The following SKAP2 variants were observed in gnomAD, a reference collection of about 807,000 sequenced individuals.
The protein encoded by SKAP2 is src kinase-associated phosphoprotein 2.
Under a neutral mutation model 54.9 loss-of-function variants are expected in SKAP2, and 28 were observed. That is an observed-to-expected ratio of 0.51 (90% CI 0.38 to 0.70). The LOEUF (loss-of-function observed/expected upper bound fraction) is 0.70. Ranked by LOEUF, SKAP2 falls within the 30% of genes least tolerant of loss-of-function variation. SKAP2 has a pLI of 0.00. For missense variants in SKAP2, 356 were observed against 424.1 expected (o/e 0.84, Z 1.41); for synonymous variants, 137 against 134.3 (o/e 1.02, Z -0.14).
At chr7:26,733,057 G>C (rs976995612) in intron 6 of SKAP2, among the ~76,000 whole-genome samples, 2 of 151,966 alleles carry the variant, frequency 1.3e-5, no homozygotes, top group African/African-American at 4.8e-5. Context: ...CTTGAACCCG[G>C]GAGGCGGAGG....
chr7:26,678,597 C>T (rs900400954), intron 11 of SKAP2, among the ~76,000 whole-genome samples: 5 of 151,992 alleles, frequency 3.3e-5, no homozygotes, highest in South Asian at 2.1e-4. Flanking sequence ...CGCACCACCA[C>T]GCCCAGGTAA....
At chr7:26,795,137 C>T (rs1288399014) in intron 4 of SKAP2, among the ~76,000 whole-genome samples, 1 of 152,224 alleles carries the variant, frequency 6.6e-6, no homozygotes. Context: ...CAGAAATTCA[C>T]TGTTACTCTT....
At chr7:26,859,003 C>T (rs189068207) in intron 1 of SKAP2, among the ~76,000 whole-genome samples, 197 of 152,294 alleles carry the variant, frequency 1.3e-3, no homozygotes, top group Admixed American at 2.5e-3. Context: ...CATATACACA[C>T]ACTCAGCCTC....
At chr7:26,848,058 A>G (rs193167649) in intron 3 of SKAP2, 2 of 152,346 alleles carry the variant, frequency 1.3e-5, no homozygotes, top group African/African-American at 4.8e-5. Context: ...ATACTACAGC[A>G]GCATATTTTT....
chr7:26,745,832 A>G (rs913936472), intron 4 of SKAP2, among the ~76,000 whole-genome samples: 1 of 152,098 alleles, frequency 6.6e-6, no homozygotes, highest in Non-Finnish European at 1.5e-5. Flanking sequence ...CCATTTTTTA[A>G]AAAAAGTATT....
chr7:26,810,831 G>A lies in SKAP2; in HGVS notation c.307+33199C>T, dbSNP rs192099928. ...CGCGTAGCTGGGACTACAGGCACAC[G>A]CCACCATGCCTGGCTAATTTTTGTA... is the stretch of plus-strand genomic sequence containing the variant. On this transcript the variant is annotated intron_variant, in intron 4 of 12. Transcript: ENST00000345317. Among the ~76,000 whole-genome samples the A allele has an allele frequency of 1.7e-3, 256 of 152,064 alleles. 1 individual carries two copies. Among genetic ancestry groups the A allele is most frequent in the African/African-American group, 5.9e-3 (244 of 41,478 alleles).
Position 26,777,289 on chromosome 7 carries a change from T to C in SKAP2, c.308-37325A>G, listed in dbSNP as rs138783666. Among the ~76,000 whole-genome samples the C allele has an allele frequency of 2.2e-3, 336 of 152,250 alleles. 1 individual carries two copies. The highest frequency in any genetic ancestry group is 7.4e-3 in the African/African-American group (308 of 41,542). Reference sequence around the variant, plus strand: ...AGTTGATATAAGCTTTCTAGATGCTTGAATAAAACACAAAATAAAGTCTAA... The same window carrying C: ...AGTTGATATAAGCTTTCTAGATGCTCGAATAAAACACAAAATAAAGTCTAA... On this transcript the variant is annotated intron_variant, in intron 4 of 12. Coordinates refer to ENST00000345317, the MANE Select transcript of SKAP2 (RefSeq NM_003930.5).
chr7:26,685,770 C>T (rs212851), intron 10 of SKAP2, among the ~76,000 whole-genome samples: 70,326 of 152,040 alleles, frequency 0.46, 17,114 homozygotes, highest in East Asian at 0.59. Context: ...ACACACTAGA[C>T]GCTTTTGTTA....
chr7:26,809,108 CA>C (rs1295251366), intron 4 of SKAP2, among the ~76,000 whole-genome samples: 5 of 152,050 alleles, frequency 3.3e-5, no homozygotes, highest in African/African-American at 1.2e-4. Flanking sequence ...AGTAGGAAAA[CA>C]AAACTCAATA....
chr7:26,835,021 G>A (rs1209224996), intron 4 of SKAP2, among the ~76,000 whole-genome samples: 1 of 152,198 alleles, frequency 6.6e-6, no homozygotes, highest in Non-Finnish European at 1.5e-5. Context: ...TTCGTCCCTA[G>A]GATGCAAGGC....
chr7:26,847,179 T>C (rs1166002837), intron 3 of SKAP2, among the ~76,000 whole-genome samples: 2 of 152,176 alleles, frequency 1.3e-5, no homozygotes, highest in Admixed American at 1.3e-4. Flanking sequence ...CCTTATTTTT[T>C]TCTCCCCATA....
chr7:26,734,457 T>A (rs910115512), intron 6 of SKAP2, among the ~76,000 whole-genome samples: 1 of 152,152 alleles, frequency 6.6e-6, no homozygotes, highest in African/African-American at 2.4e-5. Flanking sequence ...TTTGATCCCA[T>A]CCACAGTCTT....
chr7:26,749,584 T>TA (rs569592954), intron 4 of SKAP2, among the ~76,000 whole-genome samples: 79 of 151,760 alleles, frequency 5.2e-4, no homozygotes, highest in African/African-American at 1.8e-3. Context: ...CCCATCTCTA[T>TA]AAAAAATGTA....
chr7:26,768,281 CTT>C lies in SKAP2; in HGVS notation c.308-28319_308-28318del, dbSNP rs150416174. 1.1e-3 allele frequency among the ~76,000 whole-genome samples: 151 copies of C among 140,022 alleles called. 1 individual carries two copies. Among genetic ancestry groups the C allele is most frequent in the Non-Finnish European group, 1.2e-3 (78 of 64,320 alleles). 91.9% of individuals were successfully genotyped at this position (140,022 alleles called of 152,430 possible). ...TCAGAGACTAAGATTGCAACCCCTG[CTT>C]TTTTTTTTTTTTGCTTTCCATTTGC... On this transcript the variant is annotated intron_variant, in intron 4 of 12. Coordinates refer to ENST00000345317, the MANE Select transcript of SKAP2 (RefSeq NM_003930.5).
In SKAP2 at chr7:26,667,153, T is replaced by C. The variant is rs1050107732; in HGVS notation, c.*2513A>G. ...AGATCTAATGGCAATAGAGTACAAA[T>C]TCAGTACAGAGCAAATAATCAAGCA... On this transcript the variant is annotated 3_prime_UTR_variant, in exon 13 of 13. Coordinates refer to ENST00000345317, the MANE Select transcript of SKAP2 (RefSeq NM_003930.5). 1.3e-5 allele frequency: 2 copies of C among 152,138 alleles called. No individual in the cohort carries two copies. The highest frequency in any genetic ancestry group is 2.9e-5 in the Non-Finnish European group (2 of 68,006). 9.4% of individuals were successfully genotyped at this position (152,138 alleles called of 1,614,324 possible).
At chr7:26,855,109 T>TA (rs1232386785) in intron 1 of SKAP2, 1 of 331,234 alleles carries the variant, frequency 3.0e-6, no homozygotes, top group Admixed American at 4.6e-5. Flanking sequence ...AAGTTCTACT[T>TA]ATGCTTACCA....
intron 4 of SKAP2, among the ~76,000 whole-genome samples, chr7:26,741,560 AAATAAATAAATAAATAAATT>A (rs1332361577): frequency 1.5e-3 from 138 of 90,848 alleles, no homozygotes; most frequent in East Asian, 8.9e-3. Flanking sequence ...ATAAATAAAT[AAATAAATAAATAAATAAATT>A]AATAAAATGA....
rs545052521 is a variant in SKAP2, at chr7:26,761,861, T to C, written c.308-21897A>G. On this transcript the variant is annotated intron_variant, in intron 4 of 12. Transcript: ENST00000345317. Reference sequence around the variant, plus strand: ...GTTGCAGTGAGCTGAGATTGTGCCATTGCGCTCTAGCCAGGGCGACAGAGT... The same window carrying C: ...GTTGCAGTGAGCTGAGATTGTGCCACTGCGCTCTAGCCAGGGCGACAGAGT... Among the ~76,000 whole-genome samples the C allele has an allele frequency of 1.2e-3, 176 of 152,296 alleles. 1 individual carries two copies. The highest frequency in any genetic ancestry group is 2.0e-3 in the Non-Finnish European group (138 of 68,026).
chr7:26,695,942 T>C (rs1313717601), intron 9 of SKAP2, among the ~76,000 whole-genome samples: 6 of 152,180 alleles, frequency 3.9e-5, no homozygotes, highest in African/African-American at 9.7e-5. Context: ...ATGTAAAAGA[T>C]AGAAGTACTG....
Sources: gnomAD v4.1 joint callset for allele counts (sites outside exome capture counted in the v4.1 genomes callset) on GRCh38, gnomAD v4.1.1 for gene constraint, MANE v1.5 for transcripts, NCBI Gene and HGNC (gene_info 2026-07-23, HGNC 2026-07-21) for gene names.